Variants in FNDC1 observed in about 807,000 individuals in gnomAD.
The protein encoded by FNDC1 is fibronectin type III domain-containing protein 1.
A neutral mutation model predicts 168.0 loss-of-function variants in FNDC1; 96 were observed. The ratio of observed to expected loss-of-function variants is 0.57; its 90% CI spans 0.48 to 0.68. The LOEUF (loss-of-function observed/expected upper bound fraction) is 0.68, where lower values mean the gene tolerates loss of function less well. Among genes scored for constraint, FNDC1 ranks in the 30% least tolerant of loss-of-function variants. The pLI, the probability that FNDC1 is intolerant of heterozygous loss-of-function variation, is 0.00. For missense variants in FNDC1, 2,587 were observed against 2,482.1 expected, an observed-to-expected ratio of 1.04 and a Z score of -0.90; for synonymous variants, 1,099 against 1,025.9, an observed-to-expected ratio of 1.07 and a Z score of -1.36.
chr6:159,193,007 T>C lies in FNDC1; in HGVS notation c.110-4424T>C, dbSNP rs143568824. On this transcript the variant is annotated intron_variant, in intron 1 of 22. Transcript: ENST00000297267. ...GACCCAGATTCACAGAGTCTCTGAATTGAAATTGGACACGAGGAAGTTGTC... is the reference window on the plus strand; with the variant it reads ...GACCCAGATTCACAGAGTCTCTGAACTGAAATTGGACACGAGGAAGTTGTC... Among the ~76,000 whole-genome samples the C allele has an allele frequency of 2.6e-3, 398 of 152,304 alleles. 5 individuals are homozygous for C. Among genetic ancestry groups the C allele is most frequent in the African/African-American group, 9.1e-3 (378 of 41,572 alleles).
chr6:159,269,597 G>GTCCATCTATCTATCTA (rs1554229990), intron 22 of FNDC1, among the ~76,000 whole-genome samples: 1 of 123,872 alleles, frequency 8.1e-6, no homozygotes, highest in Non-Finnish European at 1.6e-5. Context: ...CTGTCTGTCT[G>GTCCATCTATCTATCTA]TCTATCTATC....
intron 19 of FNDC1, 134 bp from the exon 20 acceptor site, chr6:159,264,841 A>T: frequency 1.5e-6 from 1 of 647,656 alleles, no homozygotes; most frequent in South Asian, 2.4e-5. Flanking sequence ...ACCAAGGAAA[A>T]CGTTGGCATC....
intron 5 of FNDC1, among the ~76,000 whole-genome samples, chr6:159,220,691 C>A (rs1325789960): frequency 6.6e-6 from 1 of 152,212 alleles, no homozygotes; most frequent in African/African-American, 2.4e-5. Flanking sequence ...TCCATCATTG[C>A]ATTTTTTTCT....
rs1022298612 is a variant in FNDC1, at chr6:159,169,717, G to A, written c.109+12G>A. On this transcript the variant is annotated intron_variant, in intron 1 of 22. Coordinates refer to ENST00000297267, the MANE Select transcript of FNDC1 (RefSeq NM_032532.3). This position sits in a 1 kb window ranked among gnomAD's most constrained non-coding sequence, Gnocchi z 6.8. ...GGCGGCGGCCTCAGGTACGCGCCGC[G>A]CCCGGGCCCCCGGCGCTCCTCAGCT... is the stretch of plus-strand genomic sequence containing the variant. The A allele has an allele frequency of 5.8e-5, 64 of 1,102,102 alleles. No homozygotes were observed. Among genetic ancestry groups the A allele is most frequent in the Non-Finnish European group, 7.1e-5 (63 of 891,586 alleles). 68.3% of individuals were successfully genotyped at this position (1,102,102 alleles called of 1,614,324 possible).
chr6:159,249,255 C>T (rs1777206907), intron 16 of FNDC1, 73 bp downstream of exon 16: 2 of 1,439,656 alleles, frequency 1.4e-6, no homozygotes, highest in Non-Finnish European at 1.9e-6. Flanking sequence ...CATTACTAAT[C>T]TTTTGGCCTC....
At chr6:159,265,988 G>A (rs532977758) in intron 20 of FNDC1, 96 bp from the exon 21 acceptor site, 5 of 1,289,824 alleles carry the variant, frequency 3.9e-6, no homozygotes, top group African/African-American at 3.0e-5. Context: ...GTAAGGAAAG[G>A]AAGGCCCAGG....
rs575733474 is a variant in FNDC1 at position 159,249,125 on chromosome 6, G to A, written c.4777G>A (p.Ala1593Thr). The change falls in exon 16 of 23, where the codon GCC (alanine) becomes ACC (threonine). Residue 1593 changes from alanine (A) to threonine (T), a missense_variant. Ala to Thr is a moderately conservative substitution (Grantham distance 58, BLOSUM62 0). Coordinates refer to ENST00000297267, the MANE Select transcript of FNDC1 (RefSeq NM_032532.3). ...TTPRVIPEEGAISSFPEEEFD... is the reference protein window; with the variant it reads ...TTPRVIPEEGTISSFPEEEFD... ...ACCGAGGGTGATCCCAGAGGAAGGC[G>A]CCATCAGTTCCTTTCCTGAAGAAGA... 77 of 1,610,270 alleles carry A rather than the reference G, an allele frequency of 4.8e-5. 1 individual carries two copies. The South Asian group carries it at 6.9e-4, about 14-fold the overall frequency.
intron 14 of FNDC1, chr6:159,240,944 T>C (rs1018839443): frequency 1.3e-5 from 2 of 152,260 alleles, no homozygotes; most frequent in African/African-American, 2.4e-5. Context: ...GGAATTCTTA[T>C]GCAACGTTAT....
At position 159,232,443 on chromosome 6, in the gene FNDC1, T is replaced by C; in HGVS notation, c.1931T>C (p.Leu644Ser). 1.2e-6 allele frequency: 2 copies of C among 1,611,826 alleles called. No individual in the cohort carries two copies. The highest frequency in any genetic ancestry group is 1.7e-6 in the Non-Finnish European group (2 of 1,178,472). ...SLPASLNDNDLVDSDEDERAV... is the reference protein window; with the variant it reads ...SLPASLNDNDSVDSDEDERAV... ...CCTGCCAGCTTGAATGACAACGACT[T>C]GGTGGACTCAGACGAAGATGAGCGC... Residue 644 changes from leucine (L) to serine (S), a missense_variant, in exon 11 of 23, where the codon TTG becomes TCG. Physicochemically the swap from Leu to Ser is moderately radical, Grantham distance 145. Coordinates refer to ENST00000297267, the MANE Select transcript of FNDC1 (RefSeq NM_032532.3). The surrounding 1 kb of genome is among the most constrained non-coding windows in gnomAD (Gnocchi z 4.9).
rs567840372 is a variant in FNDC1, at chr6:159,266,228, T to A, written c.5429T>A (p.Leu1810His). 9.3e-6 allele frequency: 15 copies of A among 1,613,972 alleles called. No homozygotes were observed. In the South Asian group the frequency reaches 1.6e-4, roughly 18 times the overall value. Residue 1810 changes from leucine to histidine, a missense_variant, in exon 21 of 23, where the codon CTC (leucine) becomes CAC (histidine). Leu to His is a moderately conservative substitution (Grantham distance 99). Coordinates refer to ENST00000297267, the MANE Select transcript of FNDC1 (RefSeq NM_032532.3). ...LCNSLRYKIY[L>H]SDNLKDTFYS... ...AATTCACTGAGGTATAAAATCTACC[T>A]CAGTGACAACCTGAAAGGTAAGTCT...
chr6:159,225,202 C>CACTG lies in FNDC1; in HGVS notation c.885-331_885-330insTGAC, dbSNP rs1782925922. ...AGACACACACACACACACGCACAGT[C>CACTG]ACACACACACAAACACATATCCCTG... On this transcript the variant is annotated intron_variant, in intron 7 of 22. Transcript: ENST00000297267. Among the ~76,000 whole-genome samples the CACTG allele has an allele frequency of 3.3e-5, 5 of 149,574 alleles. No homozygotes were observed. The East Asian group carries it at 8.2e-4, about 25-fold the overall frequency.
rs562641225 is a variant in FNDC1 at position 159,254,601 on chromosome 6, G to A, written c.5066-1922G>A. ...TGGGTGCCTGTAGTCCCAGCTACTC[G>A]GGAGGCTGAGGCAGGAGAATGGTGT... On this transcript the variant is annotated intron_variant, in intron 17 of 22. Coordinates refer to ENST00000297267, the MANE Select transcript of FNDC1 (RefSeq NM_032532.3). Among the ~76,000 whole-genome samples the A allele has an allele frequency of 1.2e-3, 178 of 151,562 alleles. 1 individual carries two copies. The highest frequency in any genetic ancestry group is 3.4e-3 in the Middle Eastern group (1 of 294).
intron 5 of FNDC1, 21 bp from the exon 6 acceptor site, chr6:159,221,577 C>A: frequency 1.9e-6 from 3 of 1,592,604 alleles, no homozygotes; most frequent in Non-Finnish European, 2.6e-6. Flanking sequence ...AGAATCTCAT[C>A]CCTCACTCCC....
In FNDC1 at chr6:159,233,905, T is replaced by A; in HGVS notation, c.3393T>A (p.His1131Gln). Residue 1131 changes from histidine (H) to glutamine (Q), a missense_variant, in exon 11 of 23, where the codon CAT becomes CAA. By Grantham distance (24) the His-to-Gln change is conservative. Transcript: ENST00000297267. This position sits in a 1 kb window ranked among gnomAD's most constrained non-coding sequence, Gnocchi z 4.6. The part of the protein sequence containing the change: ...AGGDHRSQRG[H>Q]AASPARPSRP... ...GCGACCACAGGTCCCAGCGCGGACA[T>A]GCGGCCTCCCCCGCCAGGCCCAGCC... The A allele has an allele frequency of 6.5e-7, 1 of 1,547,674 alleles. No homozygotes were observed. Among genetic ancestry groups the A allele is most frequent in the South Asian group, 1.2e-5 (1 of 83,910 alleles).
chr6:159,174,201 T>C (rs1445997754), intron 1 of FNDC1, among the ~76,000 whole-genome samples: 1 of 151,440 alleles, frequency 6.6e-6, no homozygotes, highest in Non-Finnish European at 1.5e-5. Context: ...CTACAAACTT[T>C]GGTGCCTTTG....
At chr6:159,182,824 G>T (rs1781910637) in intron 1 of FNDC1, among the ~76,000 whole-genome samples, 1 of 152,214 alleles carries the variant, frequency 6.6e-6, no homozygotes, top group Non-Finnish European at 1.5e-5. Context: ...GACTATTTTG[G>T]ATTTACAATC....
Position 159,190,271 on chromosome 6 carries a change from C to A in FNDC1, c.110-7160C>A, listed in dbSNP as rs555954118. 7.9e-5 allele frequency among the ~76,000 whole-genome samples: 12 copies of A among 152,316 alleles called. No individual in the cohort carries two copies. In the South Asian group the frequency reaches 2.5e-3, roughly 32 times the overall value. ...GGAGAGGAACTGTGGTGCCATAGAG[C>A]ACAACAGAGGACATTTCTGGCCTGT... On this transcript the variant is annotated intron_variant, in intron 1 of 22. Transcript: ENST00000297267.
At chr6:159,246,291 G>A (rs1777121224) in intron 14 of FNDC1, among the ~76,000 whole-genome samples, 1 of 152,198 alleles carries the variant, frequency 6.6e-6, no homozygotes, top group Non-Finnish European at 1.5e-5. Flanking sequence ...TGGGAACTCA[G>A]TAGGAAGTGG....
At chr6:159,270,492 G>C (rs980599352) in intron 22 of FNDC1, among the ~76,000 whole-genome samples, 1 of 152,212 alleles carries the variant, frequency 6.6e-6, no homozygotes, top group African/African-American at 2.4e-5. Flanking sequence ...CATATTCCAT[G>C]GTGTCCCTGT....
Sources: gnomAD v4.1 joint callset for allele counts (sites outside exome capture counted in the v4.1 genomes callset) on GRCh38, gnomAD v4.1.1 for gene constraint, Gnocchi (gnomAD v3.1) non-coding constraint, MANE v1.5 for transcripts, NCBI Gene and HGNC (gene_info 2026-07-23, HGNC 2026-07-21) for gene names.